NF1: variants seen among roughly 807,000 people sequenced by gnomAD.
The protein encoded by NF1 is neurofibromin.
NF1 carries 122 observed loss-of-function variants against 325.7 expected under a neutral mutation model. The ratio of observed to expected loss-of-function variants is 0.37; its 90% CI spans 0.32 to 0.44. NF1 has a LOEUF of 0.44. Ranked by LOEUF, NF1 falls within the 20% of genes least tolerant of loss-of-function variation. NF1 has a pLI of 1.00. For synonymous variants in NF1, 1,091 were observed against 1,186.0 expected, an observed-to-expected ratio of 0.92 and a Z score of 1.65; for missense variants, 2,140 against 3,415.4, an observed-to-expected ratio of 0.63 and a Z score of 9.31.
At chr17:31,356,610 A>G (rs1310107187) in intron 52 of NF1, 28 bp downstream of exon 52, 2 of 1,612,894 alleles carry the variant, frequency 1.2e-6, no homozygotes, top group African/African-American at 1.3e-5. Flanking sequence ...GATCTAGATC[A>G]TTGAAAATAA....
intron 8 of NF1, among the ~76,000 whole-genome samples, chr17:31,196,602 T>A (rs1328509350): frequency 1.3e-5 from 2 of 148,890 alleles, no homozygotes; most frequent in East Asian, 3.9e-4. Context: ...ATACAAGAAA[T>A]CTTTGCCAAA....
rs761213794 is a variant in NF1 at position 31,338,110 on chromosome 17, A to G, written c.6790A>G (p.Ile2264Val). 1 of 1,613,754 alleles carries G rather than the reference A, an allele frequency of 6.2e-7. No homozygotes were observed. Among genetic ancestry groups the G allele is most frequent in the Non-Finnish European group, 8.5e-7 (1 of 1,179,636 alleles). The change falls in exon 45 of 58, where the codon ATA (isoleucine) becomes GTA (valine). Residue 2264 changes from isoleucine (I) to valine (V), a missense_variant. Ile to Val is a conservative substitution (Grantham distance 29). Around this residue, in one of 10 missense-constraint regions of NF1, gnomAD observed 522 missense variants for 749.0 expected, o/e 0.70. Coordinates refer to ENST00000358273, the MANE Select transcript of NF1 (RefSeq NM_001042492.3). The part of the protein sequence containing the change: ...CISKRVSHGQ[I>V]KQIIRILSKA... Reference sequence around the variant, plus strand: ...TAGCAAACGAGTGTCTCATGGGCAGATAAAGCAGATAATCCGTATTCTTAG... The same window carrying G: ...TAGCAAACGAGTGTCTCATGGGCAGGTAAAGCAGATAATCCGTATTCTTAG...
chr17:31,244,490 C>T (rs2067356928), intron 29 of NF1, among the ~76,000 whole-genome samples: 1 of 152,150 alleles, frequency 6.6e-6, no homozygotes, highest in Non-Finnish European at 1.5e-5. Flanking sequence ...CAGGTTTCAA[C>T]AGCTGGGATG....
intron 49 of NF1, 105 bp from the exon 50 acceptor site, chr17:31,350,078 T>C (rs2070099866): frequency 8.4e-7 from 1 of 1,190,126 alleles, no homozygotes; most frequent in South Asian, 1.2e-5. Flanking sequence ...TATGTGCACA[T>C]TTAACAGGTA....
intron 36 of NF1, among the ~76,000 whole-genome samples, chr17:31,276,352 A>G (rs775146774): frequency 3.9e-5 from 6 of 152,052 alleles, no homozygotes; most frequent in African/African-American, 1.4e-4. Context: ...TTCCCTTCAC[A>G]TTAGCATAAA....
chr17:31,305,885 A>G (rs1026472883), intron 36 of NF1, among the ~76,000 whole-genome samples: 2 of 152,194 alleles, frequency 1.3e-5, no homozygotes, highest in South Asian at 4.1e-4. Flanking sequence ...TTTTATTAAT[A>G]CAAGTTCTGT....
intron 1 of NF1, among the ~76,000 whole-genome samples, chr17:31,113,378 T>C (rs1426729668): frequency 1.3e-5 from 2 of 152,068 alleles, no homozygotes; most frequent in African/African-American, 2.4e-5. Flanking sequence ...CCCAAGAAGC[T>C]AGGACTACAG....
Position 31,326,144 on chromosome 17 carries a change from G to T in NF1, c.5160G>T (p.Glu1720Asp), listed in dbSNP as rs773378630. ...CTGGGAAACTGGCTGAGCACATAGA[G>T]CATGAACAACAGAAACTACCTGCTG... is the stretch of plus-strand genomic sequence containing the variant. Reference protein sequence around the residue: ...DCPGKLAEHIEHEQQKLPAAT... With the variant: ...DCPGKLAEHIDHEQQKLPAAT... Residue 1720 changes from glutamate to aspartate, a missense_variant, in exon 37 of 58, where the codon GAG (glutamate) becomes GAT (aspartate). Coordinates refer to ENST00000358273, the MANE Select transcript of NF1 (RefSeq NM_001042492.3). 114 of 1,613,014 alleles carry T rather than the reference G, an allele frequency of 7.1e-5. 3 individuals carry two copies. The East Asian group carries it at 2.5e-3, about 35-fold the overall frequency.
At chr17:31,154,590 A>G (rs1018904272) in intron 1 of NF1, among the ~76,000 whole-genome samples, 2 of 152,128 alleles carry the variant, frequency 1.3e-5, no homozygotes, top group African/African-American at 4.8e-5. Context: ...GCTCGTAAAC[A>G]AAAGTCCCAT....
At chr17:31,200,231 G>GT (rs1567834858) in intron 8 of NF1, among the ~76,000 whole-genome samples, 191 bp from the exon 9 acceptor site, 1 of 97,560 alleles carries the variant, frequency 1.0e-5, no homozygotes, top group African/African-American at 2.6e-5. Flanking sequence ...ATAGAAAAAG[G>GT]ATTTTTTTTA....
chr17:31,163,060 A>C (rs2065789682), intron 3 of NF1, 126 bp from the exon 4 acceptor site: 1 of 806,860 alleles, frequency 1.2e-6, no homozygotes, highest in Non-Finnish European at 2.0e-6. Context: ...CAGTTGTTAA[A>C]TCTAGGTGGT....
At chr17:31,200,064 A>C (rs2066498646) in intron 8 of NF1, among the ~76,000 whole-genome samples, 1 of 151,648 alleles carries the variant, frequency 6.6e-6, no homozygotes, top group African/African-American at 2.4e-5. Context: ...TGACCCTGGG[A>C]GGCAGAGGTT....
intron 36 of NF1, chr17:31,321,137 T>G (rs2069177766): frequency 6.6e-6 from 1 of 152,248 alleles, no homozygotes; most frequent in Non-Finnish European, 1.5e-5. Context: ...AGAAGTTTTC[T>G]TATATCTGAT....
intron 3 of NF1, among the ~76,000 whole-genome samples, chr17:31,160,288 A>G (rs1299380830): frequency 2.6e-5 from 4 of 152,140 alleles, no homozygotes; most frequent in Non-Finnish European, 4.4e-5. Flanking sequence ...GGGGTTCACT[A>G]TGTTGGTCAG....
chr17:31,357,649 G>A lies in NF1; in HGVS notation c.7970+280G>A, dbSNP rs547604707. The A allele has an allele frequency of 6.9e-4, 333 of 482,972 alleles. 2 individuals are homozygous for A. The highest frequency in any genetic ancestry group is 5.9e-3 in the African/African-American group (302 of 51,308). 29.9% of individuals were successfully genotyped at this position (482,972 alleles called of 1,614,324 possible). The stretch of plus-strand genomic sequence containing the variant: ...TTCCTCACTTAGAAGCAAACTATTA[G>A]ACTGCTATATCTAAATCAGCATATC... On this transcript the variant is annotated intron_variant, in intron 54 of 57. Coordinates refer to ENST00000358273, the MANE Select transcript of NF1 (RefSeq NM_001042492.3).
chr17:31,337,375 C>G lies in NF1; in HGVS notation c.6435C>G (p.Thr2145=). 6.2e-7 allele frequency: 1 copy of G among 1,613,102 alleles called. No individual in the cohort carries two copies. Residue 2145 remains threonine (T), a synonymous_variant, in exon 43 of 58, where the codon ACC becomes ACG. Coordinates refer to ENST00000358273, the MANE Select transcript of NF1 (RefSeq NM_001042492.3). ...TCSQLHFSEE[T]KQVLRLSLTE... ...TCCTTTATTCTCTTACAGAAGAGACCAAGCAAGTTTTGAGACTCAGTCTGA... is the reference window on the plus strand; with the variant it reads ...TCCTTTATTCTCTTACAGAAGAGACGAAGCAAGTTTTGAGACTCAGTCTGA...
At chr17:31,221,998 ACT>A (rs1257430670) in intron 15 of NF1, 69 bp downstream of exon 15, 5 of 1,484,612 alleles carry the variant, frequency 3.4e-6, no homozygotes, top group Non-Finnish European at 4.5e-6. Flanking sequence ...TGAAATATTA[ACT>A]CTGTAGTACT....
chr17:31,113,793 C>T (rs1375643266), intron 1 of NF1, among the ~76,000 whole-genome samples: 2 of 152,192 alleles, frequency 1.3e-5, no homozygotes, highest in Non-Finnish European at 2.9e-5. Context: ...AGTGTTTGAC[C>T]ACTCAGCCTT....
intron 5 of NF1, among the ~76,000 whole-genome samples, chr17:31,171,299 A>G (rs2065923321): frequency 6.6e-6 from 1 of 152,204 alleles, no homozygotes; most frequent in Non-Finnish European, 1.5e-5. Context: ...ATTATAATAA[A>G]CCACCATTGA....
Sources: allele counts gnomAD v4.1 joint callset (sites outside exome capture counted in the v4.1 genomes callset), GRCh38; gene constraint gnomAD v4.1.1; regional missense constraint gnomAD v4.1.1; transcripts MANE v1.5; gene names NCBI Gene and HGNC (gene_info 2026-07-23, HGNC 2026-07-21).